TTC22: variants seen among roughly 807,000 people sequenced by gnomAD.
TTC22 encodes tetratricopeptide repeat domain 22, also known as tetratricopeptide repeat protein 22.
Under a neutral mutation model 48.2 loss-of-function variants are expected in TTC22, and 42 were observed. The observed-to-expected ratio is 0.87, with a 90% CI of 0.68 to 1.13. The LOEUF is 1.13. TTC22 is among the 50% of genes most tolerant of loss of function. The pLI, the probability that TTC22 is intolerant of heterozygous loss-of-function variation, is 0.00. For missense variants in TTC22, 784 were observed against 807.0 expected, an observed-to-expected ratio of 0.97 and a Z score of 0.34; for synonymous variants, 345 against 365.5, an observed-to-expected ratio of 0.94 and a Z score of 0.64.
Position 54,782,447 on chromosome 1 carries a change from T to C in TTC22, c.1051A>G (p.Lys351Glu), listed in dbSNP as rs61733130. The change falls in exon 6 of 7, where the codon AAG becomes GAG. Residue 351 changes from lysine to glutamate, a missense_variant. By Grantham distance (56) the Lys-to-Glu change is moderately conservative. Transcript: ENST00000371276. ...IHIRAYLHDL[K>E]RAKMGLGGMP... ...CCCCCGAGACCCATCTTGGCCCGCT[T>C]GAGGTCATGCAGGTAGGCTCTGATG... 5.5e-3 allele frequency: 8,571 copies of C among 1,550,418 alleles called. 283 individuals are homozygous for C. In the East Asian group the frequency reaches 0.077, roughly 14 times the overall value.
In TTC22 at chr1:54,790,759, C is replaced by T. The variant is rs201802256; in HGVS notation, c.568-2662G>A. Among the ~76,000 whole-genome samples, 25 of 141,548 alleles carry T rather than the reference C, an allele frequency of 1.8e-4. 1 individual carries two copies. In the East Asian group the frequency reaches 5.2e-3, roughly 30 times the overall value. The allele number at this position is 141,548 out of a possible 152,430, so 92.9% of individuals were successfully genotyped here. On this transcript the variant is annotated intron_variant, in intron 1 of 6. Transcript: ENST00000371276. Reference sequence around the variant, plus strand: ...GGGCACATGGGGTGCCTCAGGCTTCCTGGCTGCTGCTGCTGCTGCTGCTGC... The same window carrying T: ...GGGCACATGGGGTGCCTCAGGCTTCTTGGCTGCTGCTGCTGCTGCTGCTGC...
intron 1 of TTC22, among the ~76,000 whole-genome samples, chr1:54,795,830 G>A (rs1408993112): frequency 1.3e-5 from 2 of 152,190 alleles, no homozygotes; most frequent in African/African-American, 4.8e-5. Context: ...CAAACTTAGA[G>A]GGCACTGATA....
Position 54,793,339 on chromosome 1 carries a change from C to T in TTC22, c.568-5242G>A, listed in dbSNP as rs114888919. ...CAGGTGAGGTGTTCTCAGCACACCT[C>T]CCAGCTCTTCTGAGGCCCTTGCTAT... On this transcript the variant is annotated intron_variant, in intron 1 of 6. Transcript: ENST00000371276. Among the ~76,000 whole-genome samples, 183 of 152,298 alleles carry T rather than the reference C, an allele frequency of 1.2e-3. 1 individual carries two copies. Among genetic ancestry groups the T allele is most frequent in the African/African-American group, 4.3e-3 (178 of 41,554 alleles).
rs371636347 is a variant in TTC22, at chr1:54,800,554, C to T, written c.567+43G>A. The T allele has an allele frequency of 6.7e-5, 93 of 1,381,250 alleles. No homozygotes were observed. In the Middle Eastern group the frequency reaches 7.6e-4, roughly 11 times the overall value. The allele number at this position is 1,381,250 out of a possible 1,614,324, so 85.6% of individuals were successfully genotyped here. The stretch of plus-strand genomic sequence containing the variant: ...CAGACAGAAGGGACCATGGGAGGAC[C>T]ACAGTCCTCCCAGAGGGAGGTAGGG... On this transcript the variant is annotated intron_variant, in intron 1 of 6. Coordinates refer to ENST00000371276, the MANE Select transcript of TTC22 (RefSeq NM_001114108.2).
Position 54,782,374 on chromosome 1 carries a change from TC to T in TTC22, c.1123del (p.Glu375LysfsTer38). On this transcript the variant is annotated frameshift_variant, in exon 6 of 7. Transcript: ENST00000371276. LOFTEE classifies it high-confidence loss of function. The part of the protein sequence containing the change: ...HLACAKADLE[E>X]VVRVCPGFKA... ...GAAGCCTGGGCACACCCTGACCACTTCCTCAAGGTCAGCCTTGGCACAGGCC... is the reference window on the plus strand; with the variant it reads ...GAAGCCTGGGCACACCCTGACCACTTCTCAAGGTCAGCCTTGGCACAGGCC... 6.4e-7 allele frequency: 1 copy of T among 1,550,972 alleles called. No individual in the cohort carries two copies.
intron 5 of TTC22, chr1:54,785,482 C>T (rs939819371): frequency 1.4e-5 from 6 of 428,608 alleles, no homozygotes; most frequent in Non-Finnish European, 1.9e-5. Flanking sequence ...GAAGGGATTC[C>T]TGCAGTGAGT....
intron 2 of TTC22, 30 bp downstream of exon 2, chr1:54,788,012 T>A (rs376993471): frequency 5.2e-5 from 84 of 1,609,054 alleles, no homozygotes; most frequent in Admixed American, 1.5e-4. Context: ...CCCTCTTCCA[T>A]CCCGTACCCC....
In TTC22 at chr1:54,786,110, A is replaced by C. The variant is rs1646299075; in HGVS notation, c.893T>G (p.Leu298Arg). Residue 298 changes from leucine (L) to arginine (R), a missense_variant, in exon 5 of 7, where the codon CTG becomes CGG. Transcript: ENST00000371276. ...GTAGAAGATTTTTGCCAGGCGATTCAGGATGGGAGGTTGGTTCTTGGCAAT... is the reference window on the plus strand; with the variant it reads ...GTAGAAGATTTTTGCCAGGCGATTCCGGATGGGAGGTTGGTTCTTGGCAAT... ...IEIAKNQPPILNRLAKIFYFL... is the reference protein window; with the variant it reads ...IEIAKNQPPIRNRLAKIFYFL... 5 of 1,614,142 alleles carry C rather than the reference A, an allele frequency of 3.1e-6. No individual in the cohort carries two copies. In the South Asian group the frequency reaches 5.5e-5, roughly 18 times the overall value.
Position 54,780,967 on chromosome 1 carries a change from G to A in TTC22, c.*276C>T, listed in dbSNP as rs1237200410. Reference sequence around the variant, plus strand: ...CACAACCATCTTATTTTACCTGTATGTCTAGAAAATTCTGTCCCTTAATTG... The same window carrying A: ...CACAACCATCTTATTTTACCTGTATATCTAGAAAATTCTGTCCCTTAATTG... On this transcript the variant is annotated 3_prime_UTR_variant, in exon 7 of 7. Coordinates refer to ENST00000371276, the MANE Select transcript of TTC22 (RefSeq NM_001114108.2). 3.0e-6 allele frequency: 1 copy of A among 334,428 alleles called. No individual in the cohort carries two copies. The highest frequency in any genetic ancestry group is 4.8e-5 in the East Asian group (1 of 21,046). The allele number at this position is 334,428 out of a possible 1,614,324, so 20.7% of individuals were successfully genotyped here. A position where few individuals can be genotyped will look rare whatever the true frequency, so the allele number is the denominator to read the frequency against.
chr1:54,797,337 G>T (rs559271495), intron 1 of TTC22, among the ~76,000 whole-genome samples: 1 of 152,164 alleles, frequency 6.6e-6, no homozygotes. Flanking sequence ...TGATCAAAGC[G>T]ATCTGCCTCC....
At chr1:54,799,355 T>C (rs1198012913) in intron 1 of TTC22, among the ~76,000 whole-genome samples, 1 of 152,186 alleles carries the variant, frequency 6.6e-6, no homozygotes, top group Non-Finnish European at 1.5e-5. Flanking sequence ...GCTTTCCTGC[T>C]CACCTCCTCC....
rs72671814 is a variant in TTC22 at position 54,786,370 on chromosome 1, C to T, written c.859-226G>A. The T allele has an allele frequency of 6.3e-3, 3,048 of 481,038 alleles. 9 individuals carry two copies. The highest frequency in any genetic ancestry group is 9.2e-3 in the Non-Finnish European group (2,462 of 267,452). The allele number at this position is 481,038 out of a possible 1,614,324, so 29.8% of individuals were successfully genotyped here. On this transcript the variant is annotated intron_variant, in intron 4 of 6. Transcript: ENST00000371276. ...ACTCAACTCCTGAGAGCCTGGCCCACGACCACATCACCGGTCACATCCAGT... is the reference window on the plus strand; with the variant it reads ...ACTCAACTCCTGAGAGCCTGGCCCATGACCACATCACCGGTCACATCCAGT...
In TTC22 at chr1:54,800,782, C is replaced by T; in HGVS notation, c.382G>A (p.Asp128Asn). The T allele has an allele frequency of 6.4e-7, 1 of 1,560,778 alleles. No homozygotes were observed. The highest frequency in any genetic ancestry group is 8.7e-7 in the Non-Finnish European group (1 of 1,155,462). ...EEEACAARLA[D>N]LMGLAEEPEA... ...GGCTCCTCTGCCAGGCCCATGAGGT[C>T]GGCCAGCCGTGCGGCGCACGCCTCC... Residue 128 changes from aspartate (D) to asparagine (N), a missense_variant, in exon 1 of 7, where the codon GAC becomes AAC. Transcript: ENST00000371276.
intron 1 of TTC22, among the ~76,000 whole-genome samples, chr1:54,791,723 C>T (rs1397277247): frequency 1.3e-5 from 2 of 152,096 alleles, no homozygotes; most frequent in African/African-American, 4.8e-5. Context: ...TCCACAGGTC[C>T]CCAGTGTTGG....
intron 1 of TTC22, 69 bp from the exon 2 acceptor site, chr1:54,788,166 C>T: frequency 9.5e-6 from 14 of 1,476,380 alleles, no homozygotes; most frequent in Non-Finnish European, 1.3e-5. Context: ...TAAACTCCCA[C>T]ACTCACTGAA....
At chr1:54,797,411 G>A (rs1646400632) in intron 1 of TTC22, among the ~76,000 whole-genome samples, 1 of 152,132 alleles carries the variant, frequency 6.6e-6, no homozygotes, top group Non-Finnish European at 1.5e-5. Context: ...CACTTTGGGA[G>A]GCCAAGGCAG....
At position 54,781,041 on chromosome 1, in the gene TTC22, C is replaced by T. The variant is rs1331484024; in HGVS notation, c.*202G>A. On this transcript the variant is annotated 3_prime_UTR_variant, in exon 7 of 7. Coordinates refer to ENST00000371276, the MANE Select transcript of TTC22 (RefSeq NM_001114108.2). ...CTCTGCTCCCAGCCTCTTCTGCTCT[C>T]GGGAATCAGGCCTTCCAGTCTGGGT... 2.4e-6 allele frequency: 1 copy of T among 410,706 alleles called. No homozygotes were observed. Among genetic ancestry groups the T allele is most frequent in the Admixed American group, 4.5e-5 (1 of 22,168 alleles). 25.4% of individuals were successfully genotyped at this position (410,706 alleles called of 1,614,324 possible). A position where few individuals can be genotyped will look rare whatever the true frequency, so the allele number is the denominator to read the frequency against.
intron 1 of TTC22, among the ~76,000 whole-genome samples, chr1:54,794,206 G>T (rs1646373822): frequency 6.6e-6 from 1 of 152,170 alleles, no homozygotes; most frequent in Non-Finnish European, 1.5e-5. Context: ...GTGATCCTCA[G>T]GGAAGGCTGA....
At chr1:54,796,574 C>G (rs1646393372) in intron 1 of TTC22, among the ~76,000 whole-genome samples, 1 of 152,198 alleles carries the variant, frequency 6.6e-6, no homozygotes, top group Non-Finnish European at 1.5e-5. Flanking sequence ...GGGTGTGGTT[C>G]CTGTCATTAC....
Sources: gnomAD v4.1 joint callset for allele counts (sites outside exome capture counted in the v4.1 genomes callset) on GRCh38, gnomAD v4.1.1 for gene constraint, MANE v1.5 for transcripts, NCBI Gene and HGNC (gene_info 2026-07-23, HGNC 2026-07-21) for gene names.